Variants in PHYHIP observed in about 807,000 individuals in gnomAD.
The protein encoded by PHYHIP is phytanoyl-CoA 2-hydroxylase interacting protein, also known as phytanoyl-CoA hydroxylase-interacting protein.
PHYHIP carries 7 observed loss-of-function variants against 26.1 expected under a neutral mutation model. The ratio of observed to expected loss-of-function variants is 0.27; its 90% CI spans 0.15 to 0.50. The LOEUF is 0.50. Among genes scored for constraint, PHYHIP ranks in the 20% least tolerant of loss-of-function variants. The pLI, the probability that PHYHIP is intolerant of heterozygous loss-of-function variation, is 0.98. For synonymous variants in PHYHIP, 206 were observed against 183.4 expected, an observed-to-expected ratio of 1.12 and a Z score of -1.00; for missense variants, 232 against 454.7, an observed-to-expected ratio of 0.51 and a Z score of 4.45.
chr8:22,225,181 G>A (rs1037279853), intron 3 of PHYHIP, among the ~76,000 whole-genome samples: 1 of 152,132 alleles, frequency 6.6e-6, no homozygotes, highest in African/African-American at 2.4e-5. Flanking sequence ...GTGGGGTTCT[G>A]CAGCAGAGCT....
rs1283482452 is a variant in PHYHIP at position 22,228,289 on chromosome 8, G to A, written c.69C>T (p.Ser23=). Reference sequence around the variant, plus strand: ...CCAGGTCACTGTCCTCCATGGCCCAGGAGATGCGGAAGGAGTCGCAGGTGA... The same window carrying A: ...CCAGGTCACTGTCCTCCATGGCCCAAGAGATGCGGAAGGAGTCGCAGGTGA... ...NNITCDSFRI[S]WAMEDSDLER... The change falls in exon 2 of 5, where the codon TCC becomes TCT. Residue 23 remains serine, a synonymous_variant. Transcript: ENST00000454243. 1.9e-6 allele frequency: 3 copies of A among 1,612,610 alleles called. No individual in the cohort carries two copies. Among genetic ancestry groups the A allele is most frequent in the South Asian group, 1.1e-5 (1 of 90,934 alleles).
chr8:22,229,309 ATG>A (rs1281731288), intron 1 of PHYHIP, among the ~76,000 whole-genome samples: 2 of 152,158 alleles, frequency 1.3e-5, no homozygotes, highest in Admixed American at 6.5e-5. Context: ...GGAGGGGCAC[ATG>A]TGTGGCGTGT....
rs545159495 is a variant in PHYHIP at position 22,229,429 on chromosome 8, T to C, written c.-29-1043A>G. 5.9e-5 allele frequency among the ~76,000 whole-genome samples: 9 copies of C among 152,346 alleles called. No homozygotes were observed. The South Asian group carries it at 1.9e-3, about 32-fold the overall frequency. ...TCCCCTCCCTGTCTTACTCCTTTGGTTCTCCCCTTATGTCTGCTGCTCGTC... is the reference window on the plus strand; with the variant it reads ...TCCCCTCCCTGTCTTACTCCTTTGGCTCTCCCCTTATGTCTGCTGCTCGTC... On this transcript the variant is annotated intron_variant, in intron 1 of 4. Transcript: ENST00000454243.
chr8:22,227,633 C>T (rs959215954), intron 2 of PHYHIP: 3 of 456,344 alleles, frequency 6.6e-6, no homozygotes, highest in Admixed American at 4.7e-5. Context: ...CTTTTAACCC[C>T]AGGAAAGGAC....
At chr8:22,227,348 C>A (rs994560143) in intron 2 of PHYHIP, among the ~76,000 whole-genome samples, 1 of 152,142 alleles carries the variant, frequency 6.6e-6, no homozygotes, top group Admixed American at 6.5e-5. Flanking sequence ...GCCGTCTCCA[C>A]GGCAACGGCA....
At position 22,221,833 on chromosome 8, in the gene PHYHIP, G is replaced by A. The variant is rs766209633; in HGVS notation, c.513C>T (p.His171=). Residue 171 remains histidine (H), a synonymous_variant, in exon 5 of 5, where the codon CAC becomes CAT. Transcript: ENST00000454243. The surrounding 1 kb of genome is among the most constrained non-coding windows in gnomAD (Gnocchi z 7.9). ...GGAGCATACCGCTGGTGGGGGAGCCGTGGCTGCCACTGTTGTCCTTCAGGT... is the reference window on the plus strand; with the variant it reads ...GGAGCATACCGCTGGTGGGGGAGCCATGGCTGCCACTGTTGTCCTTCAGGT... The part of the protein sequence containing the change: ...QPYLKDNSGS[H]GSPTSGMLHG... 77 of 1,582,484 alleles carry A rather than the reference G, an allele frequency of 4.9e-5. No individual in the cohort carries two copies. The highest frequency in any genetic ancestry group is 1.7e-4 in the Middle Eastern group (1 of 6,004).
At chr8:22,227,081 TC>T in intron 2 of PHYHIP, 56 bp from the exon 3 acceptor site, 1 of 1,476,310 alleles carries the variant, frequency 6.8e-7, no homozygotes, top group South Asian at 1.2e-5. Context: ...TCATGCCCAA[TC>T]TGGGCATCAC....
intron 3 of PHYHIP, among the ~76,000 whole-genome samples, chr8:22,224,750 T>C (rs910898029): frequency 2.6e-5 from 4 of 152,000 alleles, no homozygotes; most frequent in Admixed American, 1.3e-4. Flanking sequence ...GTCTCTCAAA[T>C]ACAGTAGATA....
chr8:22,229,734 CT>C (rs1230810801), intron 1 of PHYHIP, among the ~76,000 whole-genome samples: 1 of 152,194 alleles, frequency 6.6e-6, no homozygotes, highest in Admixed American at 6.5e-5. Context: ...TCTTTTTCTC[CT>C]CCCCTTGCCC....
At chr8:22,227,805 CCGGGGCTTTGT>C in intron 2 of PHYHIP, 1 of 440,916 alleles carries the variant, frequency 2.3e-6, no homozygotes, top group Non-Finnish European at 4.5e-6. Flanking sequence ...GTGCCCTGAG[CCGGGGCTTTGT>C]CGAGACTTGA....
chr8:22,224,200 G>T, intron 4 of PHYHIP, 26 bp downstream of exon 4: 1 of 1,386,700 alleles, frequency 7.2e-7, no homozygotes, highest in African/African-American at 1.4e-5. Context: ...GGCCCGGCGG[G>T]TCCAGCCGGG....
chr8:22,223,382 G>T (rs578013157), intron 4 of PHYHIP, among the ~76,000 whole-genome samples: 5 of 144,050 alleles, frequency 3.5e-5, no homozygotes, highest in African/African-American at 1.3e-4. Context: ...AAAAAAAAAA[G>T]GCAGAGCAGC....
chr8:22,225,991 G>A (rs1456929682), intron 3 of PHYHIP, among the ~76,000 whole-genome samples: 1 of 152,144 alleles, frequency 6.6e-6, no homozygotes, highest in Non-Finnish European at 1.5e-5. Flanking sequence ...AGCTCTCACC[G>A]TGAACACCAA....
chr8:22,225,807 CAAAA>C (rs113615767), intron 3 of PHYHIP, among the ~76,000 whole-genome samples: 1 of 89,954 alleles, frequency 1.1e-5, no homozygotes, highest in Non-Finnish European at 2.4e-5. Context: ...GATTCCATCT[CAAAA>C]AAAAAAAAAA....
intron 4 of PHYHIP, among the ~76,000 whole-genome samples, chr8:22,223,372 A>AC (rs995797010): frequency 6.6e-5 from 10 of 151,492 alleles, no homozygotes; most frequent in Non-Finnish European, 1.3e-4. Context: ...AAAAAAAAAA[A>AC]AAAAAAAAAG....
At chr8:22,227,469 A>G (rs924586550) in intron 2 of PHYHIP, among the ~76,000 whole-genome samples, 1 of 152,164 alleles carries the variant, frequency 6.6e-6, no homozygotes, top group African/African-American at 2.4e-5. Context: ...CTGCCAAAAG[A>G]CACCCAGATC....
chr8:22,231,426 A>T (rs1300217161), intron 1 of PHYHIP, among the ~76,000 whole-genome samples: 1 of 152,206 alleles, frequency 6.6e-6, no homozygotes, highest in Non-Finnish European at 1.5e-5. Flanking sequence ...AGACGGACCT[A>T]TCTGCGCCAG....
In PHYHIP at chr8:22,221,726, TG is replaced by T. The variant is rs1163086825; in HGVS notation, c.619del (p.Gln207ArgfsTer59). The T allele has an allele frequency of 6.2e-7, 1 of 1,613,202 alleles. No homozygotes were observed. On this transcript the variant is annotated frameshift_variant, in exon 5 of 5. Coordinates refer to ENST00000454243, the MANE Select transcript of PHYHIP (RefSeq NM_014759.5). LOFTEE classifies it high-confidence loss of function. The surrounding 1 kb of genome is among the most constrained non-coding windows in gnomAD (Gnocchi z 7.9). Reference protein sequence around the residue: ...QDSPYGRWRFQIPAQRLFNPS... With the variant: ...QDSPYGRWRFXIPAQRLFNPS... ...ATTGAAGAGGCGCTGAGCTGGGATC[TG>T]GAAGCGCCAGCGGCCGTAGGGGGAG...
chr8:22,224,197 C>T (rs199929667), intron 4 of PHYHIP, 29 bp downstream of exon 4: 89 of 1,341,576 alleles, frequency 6.6e-5, no homozygotes, highest in Admixed American at 4.5e-4. Flanking sequence ...AGAGGCCCGG[C>T]GGGTCCAGCC....
Sources: allele counts gnomAD v4.1 joint callset (sites outside exome capture counted in the v4.1 genomes callset), GRCh38; gene constraint gnomAD v4.1.1; non-coding constraint Gnocchi (gnomAD v3.1); transcripts MANE v1.5; gene names NCBI Gene and HGNC (gene_info 2026-07-23, HGNC 2026-07-21).